LRRC4C: variants seen among roughly 807,000 people sequenced by gnomAD.
The protein encoded by LRRC4C is leucine-rich repeat-containing protein 4C.
Under a neutral mutation model 33.6 loss-of-function variants are expected in LRRC4C, and 5 were observed. The observed-to-expected ratio is 0.15, with a 90% CI of 0.08 to 0.31. The LOEUF is 0.31. Ranked by LOEUF, LRRC4C falls within the 10% of genes least tolerant of loss-of-function variation. The pLI is 1.00. For synonymous variants in LRRC4C, 329 were observed against 302.0 expected (o/e 1.09, Z -0.93); for missense variants, 560 against 796.7 (o/e 0.70, Z 3.58).
At chr11:41,034,447 C>A (rs1321455280) in intron 1 of LRRC4C, among the ~76,000 whole-genome samples, 2 of 144,686 alleles carry the variant, frequency 1.4e-5, no homozygotes, top group African/African-American at 5.4e-5. Context: ...CACACACACA[C>A]ACACACACAC....
At chr11:40,871,669 T>A (rs1256220382) in intron 2 of LRRC4C, among the ~76,000 whole-genome samples, 2 of 152,074 alleles carry the variant, frequency 1.3e-5, no homozygotes, top group Non-Finnish European at 2.9e-5. Context: ...AGATAAGAAC[T>A]CAGAGTTATC....
At chr11:41,251,666 A>G (rs1948642949) in intron 1 of LRRC4C, among the ~76,000 whole-genome samples, 1 of 152,228 alleles carries the variant, frequency 6.6e-6, no homozygotes, top group Non-Finnish European at 1.5e-5. Context: ...CCAAACTACC[A>G]GAACTGACTG....
chr11:40,476,351 T>C (rs1415127712), intron 3 of LRRC4C, among the ~76,000 whole-genome samples: 13 of 143,608 alleles, frequency 9.1e-5, no homozygotes, highest in East Asian at 2.0e-4. Flanking sequence ...TCTTTTTTTT[T>C]TTTTTTTTTT....
chr11:40,609,437 T>A (rs1459158395), intron 3 of LRRC4C, among the ~76,000 whole-genome samples: 1 of 151,926 alleles, frequency 6.6e-6, no homozygotes, highest in African/African-American at 2.4e-5. Flanking sequence ...TGTGACAATG[T>A]CTACATTTAA....
chr11:40,978,104 T>C (rs1852216200), intron 1 of LRRC4C, among the ~76,000 whole-genome samples: 1 of 152,238 alleles, frequency 6.6e-6, no homozygotes, highest in African/African-American at 2.4e-5. Flanking sequence ...TTCAACTCTT[T>C]AGTCTAAACT....
At chr11:41,037,280 G>A (rs903569858) in intron 1 of LRRC4C, among the ~76,000 whole-genome samples, 7 of 90,564 alleles carry the variant, frequency 7.7e-5, no homozygotes, top group Admixed American at 4.2e-4. Flanking sequence ...TATCTTTGAT[G>A]GGTTTTTTTT....
At chr11:41,156,836 T>C (rs1386114773) in intron 1 of LRRC4C, among the ~76,000 whole-genome samples, 4 of 152,046 alleles carry the variant, frequency 2.6e-5, no homozygotes, top group Non-Finnish European at 5.9e-5. Flanking sequence ...CTGGCAGTGC[T>C]ATGGTTTGGA....
At chr11:41,152,103 G>T (rs995523307) in intron 1 of LRRC4C, among the ~76,000 whole-genome samples, 3 of 152,094 alleles carry the variant, frequency 2.0e-5, no homozygotes, top group African/African-American at 7.2e-5. Context: ...TTCACATGAG[G>T]TTATATAACC....
At chr11:41,025,639 T>C (rs530267872) in intron 1 of LRRC4C, among the ~76,000 whole-genome samples, 3 of 151,972 alleles carry the variant, frequency 2.0e-5, no homozygotes, top group African/African-American at 7.2e-5. Context: ...AAGCAGCAAG[T>C]GCTGATGGCT....
chr11:40,674,099 T>C (rs540636113), intron 2 of LRRC4C, among the ~76,000 whole-genome samples: 131 of 152,352 alleles, frequency 8.6e-4, no homozygotes, highest in African/African-American at 3.1e-3. Context: ...TCTATAAATG[T>C]TTCCAATCCC....
At chr11:40,122,602 G>A (rs1416609717) in intron 6 of LRRC4C, among the ~76,000 whole-genome samples, 1 of 152,138 alleles carries the variant, frequency 6.6e-6, no homozygotes, top group Non-Finnish European at 1.5e-5. Flanking sequence ...GCCAAACTTT[G>A]TGAGGTGGTT....
intron 5 of LRRC4C, among the ~76,000 whole-genome samples, chr11:40,211,009 T>G (rs2135823236): frequency 6.6e-6 from 1 of 152,250 alleles, no homozygotes; most frequent in East Asian, 1.9e-4. Context: ...ACTCCTGATC[T>G]AAAGTCATCT....
At chr11:40,939,711 A>T (rs1284322575) in intron 1 of LRRC4C, among the ~76,000 whole-genome samples, 8 of 152,196 alleles carry the variant, frequency 5.3e-5, no homozygotes, top group South Asian at 2.1e-4. Flanking sequence ...CTGAGAATGC[A>T]GCAAAGTGAA....
intron 2 of LRRC4C, among the ~76,000 whole-genome samples, chr11:40,814,609 G>A (rs974708631): frequency 6.6e-6 from 1 of 151,648 alleles, no homozygotes; most frequent in East Asian, 1.9e-4. Context: ...CAGAAAATGG[G>A]TTTTTTCTTT....
chr11:40,599,495 A>G (rs1478570832), intron 3 of LRRC4C, among the ~76,000 whole-genome samples: 2 of 152,036 alleles, frequency 1.3e-5, no homozygotes, highest in African/African-American at 2.4e-5. Context: ...ACTTCTATTT[A>G]TTAGTCATTA....
chr11:40,436,209 C>G (rs1951132222), intron 3 of LRRC4C, among the ~76,000 whole-genome samples: 1 of 152,110 alleles, frequency 6.6e-6, no homozygotes, highest in African/African-American at 2.4e-5. Flanking sequence ...CAAAAATTAG[C>G]TATGCTCATT....
At chr11:40,499,527 G>A (rs930019342) in intron 3 of LRRC4C, among the ~76,000 whole-genome samples, 1 of 152,088 alleles carries the variant, frequency 6.6e-6, no homozygotes, top group Non-Finnish European at 1.5e-5. Context: ...TGCCCATTAT[G>A]TGACTGATTT....
chr11:40,964,625 G>C (rs1378631062), intron 1 of LRRC4C, among the ~76,000 whole-genome samples: 2 of 149,946 alleles, frequency 1.3e-5, no homozygotes, highest in East Asian at 4.0e-4. Flanking sequence ...GCGGTGTTTG[G>C]TTTTTTGTCC....
At chr11:41,171,656 G>T (rs949541030) in intron 1 of LRRC4C, among the ~76,000 whole-genome samples, 1 of 151,282 alleles carries the variant, frequency 6.6e-6, no homozygotes, top group Non-Finnish European at 1.5e-5. Flanking sequence ...AAAACTTAAC[G>T]TATAATAATA....
Sources: allele counts gnomAD v4.1 joint callset (sites outside exome capture counted in the v4.1 genomes callset), GRCh38; gene constraint gnomAD v4.1.1; transcripts MANE v1.5; gene names NCBI Gene and HGNC (gene_info 2026-07-23, HGNC 2026-07-21).